Variants in RIC1 observed in about 807,000 individuals in gnomAD.
RIC1 encodes guanine nucleotide exchange factor subunit RIC1.
Under a neutral mutation model 169.0 loss-of-function variants are expected in RIC1, and 88 were observed. The ratio of observed to expected loss-of-function variants is 0.52; its 90% CI spans 0.44 to 0.62. RIC1 has a LOEUF of 0.62. Among genes scored for constraint, RIC1 ranks in the 20% least tolerant of loss-of-function variants. The pLI, the probability that RIC1 is intolerant of heterozygous loss-of-function variation, is 0.00. For missense variants in RIC1, 1,877 were observed against 1,725.5 expected, an observed-to-expected ratio of 1.09 and a Z score of -1.56; for synonymous variants, 790 against 601.5, an observed-to-expected ratio of 1.31 and a Z score of -4.59.
At chr9:5,697,468 A>C (rs935367837) in intron 3 of RIC1, among the ~76,000 whole-genome samples, 5 of 152,166 alleles carry the variant, frequency 3.3e-5, no homozygotes, top group African/African-American at 9.7e-5. Context: ...AGAATAATAA[A>C]ATGACCATCT....
chr9:5,745,055 TTAAAA>T (rs1825299354), intron 10 of RIC1, among the ~76,000 whole-genome samples: 1 of 152,176 alleles, frequency 6.6e-6, no homozygotes, highest in African/African-American at 2.4e-5. Context: ...CCTCCATAGT[TTAAAA>T]TAAGTTTTCA....
At chr9:5,645,193 A>G (rs1200468122) in intron 1 of RIC1, among the ~76,000 whole-genome samples, 1 of 152,050 alleles carries the variant, frequency 6.6e-6, no homozygotes, top group African/African-American at 2.4e-5. Context: ...AGCTGGGACT[A>G]CAGATGCCCA....
chr9:5,670,426 C>G (rs995084223), intron 2 of RIC1, among the ~76,000 whole-genome samples: 1 of 152,168 alleles, frequency 6.6e-6, no homozygotes, highest in African/African-American at 2.4e-5. Context: ...CTTATTGATT[C>G]CATAGCTTGC....
intron 6 of RIC1, among the ~76,000 whole-genome samples, chr9:5,729,038 C>G (rs1185748194): frequency 6.6e-6 from 1 of 152,192 alleles, no homozygotes; most frequent in Non-Finnish European, 1.5e-5. Flanking sequence ...CCTCTCCCCT[C>G]TCTGTCTCCA....
chr9:5,754,451 G>T (rs1163915621), intron 14 of RIC1, among the ~76,000 whole-genome samples: 1 of 152,092 alleles, frequency 6.6e-6, no homozygotes, highest in Non-Finnish European at 1.5e-5. Context: ...CTTTGGCTGG[G>T]CGTGTGGTGG....
intron 23 of RIC1, among the ~76,000 whole-genome samples, chr9:5,770,840 A>C (rs1211936907): frequency 6.6e-6 from 1 of 152,192 alleles, no homozygotes; most frequent in Non-Finnish European, 1.5e-5. Flanking sequence ...ATGTACACCA[A>C]CCTCTGCTCT....
chr9:5,673,554 AT>A (rs1302795760), intron 2 of RIC1, among the ~76,000 whole-genome samples: 16 of 144,736 alleles, frequency 1.1e-4, no homozygotes, highest in Admixed American at 4.8e-4. Flanking sequence ...ATATATATAT[AT>A]ATAAATAAAT....
At position 5,689,901 on chromosome 9, in the gene RIC1, C is replaced by T. The variant is rs117557047; in HGVS notation, c.253-58C>T. ...AGTAAGAATTTATAAAATTAAAATT[C>T]AGGGTTACAGTTATAGCCTTACTCT... is the stretch of plus-strand genomic sequence containing the variant. On this transcript the variant is annotated intron_variant, in intron 2 of 25. Coordinates refer to ENST00000414202, the MANE Select transcript of RIC1 (RefSeq NM_020829.4). 5.5e-3 allele frequency: 6,178 copies of T among 1,121,388 alleles called. 25 individuals are homozygous for T. The highest frequency in any genetic ancestry group is 6.5e-3 in the Non-Finnish European group (5,073 of 780,736). 69.5% of individuals were successfully genotyped at this position (1,121,388 alleles called of 1,614,324 possible). A position where few individuals can be genotyped will look rare whatever the true frequency, so the allele number is the denominator to read the frequency against.
chr9:5,695,753 TAGA>T (rs1442017469), intron 3 of RIC1, among the ~76,000 whole-genome samples: 1 of 152,012 alleles, frequency 6.6e-6, no homozygotes, highest in African/African-American at 2.4e-5. Flanking sequence ...GTATTTTTAG[TAGA>T]GACGGGGTTT....
intron 3 of RIC1, among the ~76,000 whole-genome samples, chr9:5,703,768 T>C (rs969173282): frequency 6.6e-6 from 1 of 152,252 alleles, no homozygotes; most frequent in African/African-American, 2.4e-5. Flanking sequence ...TGTTTATCCA[T>C]GAATCAGGTG....
At chr9:5,684,337 G>T (rs1188934005) in intron 2 of RIC1, among the ~76,000 whole-genome samples, 3 of 130,524 alleles carry the variant, frequency 2.3e-5, no homozygotes, top group African/African-American at 8.9e-5. Context: ...TGTCTGCTGG[G>T]AGTTTGATTG....
chr9:5,660,275 T>C (rs771285006), intron 2 of RIC1, among the ~76,000 whole-genome samples: 1 of 152,208 alleles, frequency 6.6e-6, no homozygotes, highest in Non-Finnish European at 1.5e-5. Flanking sequence ...TTCAGGTTGA[T>C]TCCATGTCTT....
intron 12 of RIC1, among the ~76,000 whole-genome samples, chr9:5,751,222 T>G (rs931628237): frequency 6.6e-6 from 1 of 151,772 alleles, no homozygotes; most frequent in East Asian, 1.9e-4. Flanking sequence ...ACAGTTATAC[T>G]CAGGTACATC....
chr9:5,748,150 G>C (rs537768238), intron 12 of RIC1, among the ~76,000 whole-genome samples: 1 of 152,134 alleles, frequency 6.6e-6, no homozygotes, highest in Non-Finnish European at 1.5e-5. Flanking sequence ...GTAAGTTGAA[G>C]TTTCTTAAAA....
At chr9:5,718,867 G>A (rs1449107586) in intron 4 of RIC1, among the ~76,000 whole-genome samples, 1 of 151,994 alleles carries the variant, frequency 6.6e-6, no homozygotes, top group Non-Finnish European at 1.5e-5. Flanking sequence ...TATAGTTGGG[G>A]AAAAAACAGC....
chr9:5,651,187 A>G (rs528134813), intron 1 of RIC1, among the ~76,000 whole-genome samples: 1 of 152,198 alleles, frequency 6.6e-6, no homozygotes, highest in South Asian at 2.1e-4. Context: ...TCTCTCATTT[A>G]CCTTTCCCCC....
At chr9:5,693,346 G>C (rs1821697047) in intron 3 of RIC1, among the ~76,000 whole-genome samples, 1 of 152,060 alleles carries the variant, frequency 6.6e-6, no homozygotes, top group South Asian at 2.1e-4. Flanking sequence ...TGCTCCATCT[G>C]AGAACACAGT....
chr9:5,678,275 G>C (rs200638982), intron 2 of RIC1, among the ~76,000 whole-genome samples: 3 of 152,096 alleles, frequency 2.0e-5, no homozygotes, highest in Non-Finnish European at 4.4e-5. Context: ...GGTTTCAAGT[G>C]TTTGCTATTG....
At chr9:5,641,888 A>G (rs1818269525) in intron 1 of RIC1, among the ~76,000 whole-genome samples, 1 of 144,508 alleles carries the variant, frequency 6.9e-6, no homozygotes, top group Non-Finnish European at 1.5e-5. Flanking sequence ...CTGAAAGGTC[A>G]CATATCTATC....
Sources: gnomAD v4.1 joint callset for allele counts (sites outside exome capture counted in the v4.1 genomes callset) on GRCh38, gnomAD v4.1.1 for gene constraint, MANE v1.5 for transcripts, NCBI Gene and HGNC (gene_info 2026-07-23, HGNC 2026-07-21) for gene names.